Variants in MASTL observed in about 807,000 individuals in gnomAD.
MASTL encodes microtubule associated serine/threonine kinase like, also known as serine/threonine-protein kinase greatwall.
Under a neutral mutation model 82.5 loss-of-function variants are expected in MASTL, and 54 were observed. That is an observed-to-expected ratio of 0.65 (90% CI 0.53 to 0.82). The LOEUF (loss-of-function observed/expected upper bound fraction) is 0.82. Among genes scored for constraint, MASTL ranks in the 40% least tolerant of loss-of-function variants. The pLI is 0.00. For missense variants in MASTL, 950 were observed against 1,047.8 expected, an observed-to-expected ratio of 0.91 and a Z score of 1.29; for synonymous variants, 323 against 368.9, an observed-to-expected ratio of 0.88 and a Z score of 1.43.
In MASTL at chr10:27,161,032, A is replaced by G. The variant is rs193162727; in HGVS notation, c.465-62A>G. 536 of 1,084,168 alleles carry G rather than the reference A, an allele frequency of 4.9e-4. 3 individuals carry two copies. The African/African-American group carries it at 7.4e-3, about 15-fold the overall frequency. The allele number at this position is 1,084,168 out of a possible 1,614,324, so 67.2% of individuals were successfully genotyped here. Reference sequence around the variant, plus strand: ...CTCCTTTGTAACTCTTTTTTTCTGGAAATTCTAACATTAAAACTAGCCCTT... The same window carrying G: ...CTCCTTTGTAACTCTTTTTTTCTGGGAATTCTAACATTAAAACTAGCCCTT... On this transcript the variant is annotated intron_variant, in intron 3 of 11. Transcript: ENST00000375940.
chr10:27,177,759 AT>A, intron 9 of MASTL: 1 of 815,788 alleles, frequency 1.2e-6, no homozygotes, highest in Non-Finnish European at 1.5e-6. Flanking sequence ...GACTCTAATA[AT>A]TTTAATACAG....
At chr10:27,155,249 T>C (rs1588629257), upstream of MASTL, 9 of 649,126 alleles carry the variant, frequency 1.4e-5, no homozygotes, top group East Asian at 2.5e-4. Flanking sequence ...AAGTCGGGGC[T>C]TTCCCGACGC....
chr10:27,178,224 T>C (rs2058163453), intron 9 of MASTL, among the ~76,000 whole-genome samples: 1 of 152,028 alleles, frequency 6.6e-6, no homozygotes, highest in Non-Finnish European at 1.5e-5. Context: ...AAACCCCGTC[T>C]CCACTTAAAA....
intron 11 of MASTL, among the ~76,000 whole-genome samples, 171 bp downstream of exon 11, chr10:27,181,752 G>A (rs557217546): frequency 2.6e-5 from 4 of 152,144 alleles, no homozygotes; most frequent in Middle Eastern, 3.4e-3. Context: ...CAGCCTGTCC[G>A]ATATGGCGAA....
chr10:27,186,662 A>G lies in MASTL; in HGVS notation c.*126A>G. 3 of 901,042 alleles carry G rather than the reference A, an allele frequency of 3.3e-6. No homozygotes were observed. Among genetic ancestry groups the G allele is most frequent in the Non-Finnish European group, 5.5e-6 (3 of 544,754 alleles). The allele number at this position is 901,042 out of a possible 1,614,324, so 55.8% of individuals were successfully genotyped here. On this transcript the variant is annotated 3_prime_UTR_variant, in exon 12 of 12. Coordinates refer to ENST00000375940, the MANE Select transcript of MASTL (RefSeq NM_001172303.3). ...TTTAACCTAGTTCAATGTGCTTTTAATGTACGTTACAGCTTTCACAGAGTT... is the reference window on the plus strand; with the variant it reads ...TTTAACCTAGTTCAATGTGCTTTTAGTGTACGTTACAGCTTTCACAGAGTT...
rs748610190 is a variant in MASTL at position 27,170,586 on chromosome 10, A to G, written c.1627A>G (p.Asn543Asp). ...TGAACTCGATGAAGACTGTGAAAAG[A>G]ATAGTAAGAGGGACTACTTAAGTTC... is the stretch of plus-strand genomic sequence containing the variant. ...MCELDEDCEK[N>D]SKRDYLSSSF... The change falls in exon 8 of 12, where the codon AAT becomes GAT. Residue 543 changes from asparagine to aspartate, a missense_variant. Transcript: ENST00000375940. 5.0e-6 allele frequency: 8 copies of G among 1,612,332 alleles called. No homozygotes were observed. The highest frequency in any genetic ancestry group is 6.8e-6 in the Non-Finnish European group (8 of 1,179,338).
At position 27,170,611 on chromosome 10, in the gene MASTL, C is replaced by G; in HGVS notation, c.1652C>G (p.Ser551Cys). 6.2e-7 allele frequency: 1 copy of G among 1,607,272 alleles called. No homozygotes were observed. The highest frequency in any genetic ancestry group is 8.5e-7 in the Non-Finnish European group (1 of 1,177,482). Residue 551 changes from serine (S) to cysteine (C), a missense_variant, in exon 8 of 12, where the codon TCT (serine) becomes TGT (cysteine). Transcript: ENST00000375940. ...EKNSKRDYLS[S>C]SFLCSDDDRA... ...AATAGTAAGAGGGACTACTTAAGTT[C>G]TAGTTTTCTATGTTCTGATGATGAT... is the stretch of plus-strand genomic sequence containing the variant.
intron 1 of MASTL, 137 bp downstream of exon 1, chr10:27,155,749 C>A: frequency 1.1e-6 from 1 of 935,492 alleles, no homozygotes; most frequent in South Asian, 1.4e-5. Context: ...CAGAGCCCTG[C>A]GAGCTGACTT....
chr10:27,173,631 A>C (rs1164957334), intron 9 of MASTL, among the ~76,000 whole-genome samples: 1 of 151,570 alleles, frequency 6.6e-6, no homozygotes, highest in Non-Finnish European at 1.5e-5. Context: ...CCCAGGCTGG[A>C]GTGCAATGGT....
At chr10:27,161,680 T>C (rs117003956) in intron 4 of MASTL, among the ~76,000 whole-genome samples, 1,940 of 152,298 alleles carry the variant, frequency 0.013, 16 homozygotes, top group Admixed American at 0.021. Context: ...ACGGGTTCTT[T>C]TTTCCACTGA....
At chr10:27,155,339 T>C (rs2057315984), upstream of MASTL, 28 of 1,353,040 alleles carry the variant, frequency 2.1e-5, no homozygotes, top group Non-Finnish European at 2.3e-5. Context: ...GCGCGCGGCG[T>C]GGGCGGAGCC....
intron 10 of MASTL, 85 bp from the exon 11 acceptor site, chr10:27,181,391 CAAAA>C: frequency 1.9e-6 from 2 of 1,040,728 alleles, no homozygotes; most frequent in Non-Finnish European, 2.9e-6. Flanking sequence ...AACTCCATCT[CAAAA>C]AACAAAAAAA....
Position 27,170,717 on chromosome 10 carries a change from G to A in MASTL, c.1758G>A (p.Gln586=), listed in dbSNP as rs887408703. The A allele has an allele frequency of 6.2e-6, 10 of 1,613,570 alleles. No individual in the cohort carries two copies. The highest frequency in any genetic ancestry group is 1.7e-4 in the Middle Eastern group (1 of 6,060). The change falls in exon 8 of 12, where the codon CAG becomes CAA. Residue 586 remains glutamine, a synonymous_variant. Coordinates refer to ENST00000375940, the MANE Select transcript of MASTL (RefSeq NM_001172303.3). ...TAATGGAAAGTCCATTAGAAAGTCA[G>A]CCCTTAGATTCAGATAGAAGCATCA... The part of the protein sequence containing the change: ...ISIMESPLES[Q]PLDSDRSIKE...
At chr10:27,174,181 C>T (rs1327454913) in intron 9 of MASTL, among the ~76,000 whole-genome samples, 4 of 151,614 alleles carry the variant, frequency 2.6e-5, no homozygotes, top group South Asian at 4.2e-4. Context: ...ATGGTGAAAC[C>T]TCACCTCTAC....
intron 8 of MASTL, 93 bp downstream of exon 8, chr10:27,171,176 C>T: frequency 1.8e-6 from 2 of 1,093,744 alleles, no homozygotes; most frequent in East Asian, 2.4e-5. Flanking sequence ...CGGTATTAAT[C>T]ATATAGTTCT....
In MASTL at chr10:27,186,987, G is replaced by A. The variant is rs541688252; in HGVS notation, c.*451G>A. 10 of 225,286 alleles carry A rather than the reference G, an allele frequency of 4.4e-5. No homozygotes were observed. Among genetic ancestry groups the A allele is most frequent in the Admixed American group, 1.1e-4 (2 of 18,932 alleles). 14.0% of individuals were successfully genotyped at this position (225,286 alleles called of 1,614,324 possible). On this transcript the variant is annotated 3_prime_UTR_variant, in exon 12 of 12. Coordinates refer to ENST00000375940, the MANE Select transcript of MASTL (RefSeq NM_001172303.3). ...GTGTTCTTGAGGGCAATCATTTAAGGCCATACTTGTGACCTCAGAAATGCA... is the reference window on the plus strand; with the variant it reads ...GTGTTCTTGAGGGCAATCATTTAAGACCATACTTGTGACCTCAGAAATGCA...
chr10:27,176,753 G>T (rs568098791), intron 9 of MASTL, among the ~76,000 whole-genome samples: 1 of 151,990 alleles, frequency 6.6e-6, no homozygotes, highest in South Asian at 2.1e-4. Flanking sequence ...TAAAATTTAT[G>T]CCATTCTTCC....
intron 4 of MASTL, among the ~76,000 whole-genome samples, chr10:27,164,565 C>T (rs10764682): frequency 0.075 from 11,467 of 152,212 alleles, 635 homozygotes; most frequent in African/African-American, 0.16. Context: ...CAGTTTCTAT[C>T]TTGACCTAGG....
chr10:27,154,490 T>G, upstream of MASTL: 1 of 550,024 alleles, frequency 1.8e-6, no homozygotes, highest in East Asian at 3.0e-5. Flanking sequence ...GTAGTTGACA[T>G]TTACAAGGAG....
Sources: gnomAD v4.1 joint callset for allele counts (sites outside exome capture counted in the v4.1 genomes callset) on GRCh38, gnomAD v4.1.1 for gene constraint, MANE v1.5 for transcripts, NCBI Gene and HGNC (gene_info 2026-07-23, HGNC 2026-07-21) for gene names.